The following POLI variants were observed in gnomAD, a reference collection of about 807,000 sequenced individuals.
POLI encodes the protein DNA polymerase iota.
A neutral mutation model predicts 51.6 loss-of-function variants in POLI; 58 were observed. The observed-to-expected ratio is 1.12, with a 90% CI of 0.91 to 1.40. POLI has a LOEUF of 1.40. POLI is among the 40% of genes most tolerant of loss of function. The pLI, the probability that POLI is intolerant of heterozygous loss-of-function variation, is 0.00. For missense variants in POLI, 921 were observed against 871.3 expected (o/e 1.06, Z -0.72); for synonymous variants, 322 against 299.7 (o/e 1.07, Z -0.77).
At chr18:54,305,142 C>T (rs907253612) in intron 3 of POLI, among the ~76,000 whole-genome samples, 1 of 152,152 alleles carries the variant, frequency 6.6e-6, no homozygotes, top group African/African-American at 2.4e-5. Flanking sequence ...TCTGCCAGTA[C>T]CATGCTGTTT....
chr18:54,305,080 G>A (rs531764975), intron 3 of POLI, among the ~76,000 whole-genome samples: 24 of 152,258 alleles, frequency 1.6e-4, no homozygotes, highest in African/African-American at 5.8e-4. Context: ...GTAGATGTGT[G>A]GTGTTATTTC....
chr18:54,297,494 A>G lies in POLI; in HGVS notation c.*3027A>G, dbSNP rs188059027. 4.6e-5 allele frequency: 45 copies of G among 982,200 alleles called. No homozygotes were observed. In the African/African-American group the frequency reaches 7.5e-4, roughly 16 times the overall value. 60.8% of individuals were successfully genotyped at this position (982,200 alleles called of 1,614,324 possible). On this transcript the variant is annotated 3_prime_UTR_variant, in exon 10 of 10. Transcript: ENST00000579534. ...AGTGTTTTGTACTAGGAGAACTCTAAAAAGTATCTATTCCACTGTAGTGCC... is the reference window on the plus strand; with the variant it reads ...AGTGTTTTGTACTAGGAGAACTCTAGAAAGTATCTATTCCACTGTAGTGCC...
intron 7 of POLI, chr18:54,284,819 G>A (rs1371149490): frequency 2.0e-5 from 3 of 152,154 alleles, no homozygotes; most frequent in African/African-American, 7.2e-5. Context: ...AAACTGAAAA[G>A]GAAATTTAAT....
intron 1 of POLI, 169 bp from the exon 2 acceptor site, chr18:54,271,191 A>G: frequency 1.9e-6 from 1 of 527,790 alleles, no homozygotes; most frequent in Non-Finnish European, 3.3e-6. Flanking sequence ...ACCCTACCCT[A>G]AGTGGAGTTT....
chr18:54,316,755 A>C (rs1453190985), intron 3 of POLI, among the ~76,000 whole-genome samples: 1 of 152,042 alleles, frequency 6.6e-6, no homozygotes, highest in African/African-American at 2.4e-5. Flanking sequence ...TGGTAAAAGG[A>C]AAAAAAAGCT....
At chr18:54,272,738 C>T (rs1228337744) in intron 2 of POLI, among the ~76,000 whole-genome samples, 4 of 151,396 alleles carry the variant, frequency 2.6e-5, no homozygotes, top group Non-Finnish European at 5.9e-5. Context: ...TCCCAAAGTG[C>T]GGGGACTACA....
In POLI at chr18:54,291,577, A is replaced by G. The variant is rs73487920; in HGVS notation, c.1199-256A>G. On this transcript the variant is annotated intron_variant, in intron 8 of 9. Coordinates refer to ENST00000579534, the MANE Select transcript of POLI (RefSeq NM_007195.3). ...TCCACCAAAATGATTGTTTTTGACA[A>G]TGTTGTTCAGTTTTATAGTAGCTTT... is the stretch of plus-strand genomic sequence containing the variant. The G allele has an allele frequency of 5.1e-3, 1,258 of 248,262 alleles. 17 individuals are homozygous for G. The highest frequency in any genetic ancestry group is 0.026 in the African/African-American group (1,160 of 44,240). The allele number at this position is 248,262 out of a possible 1,614,324, so 15.4% of individuals were successfully genotyped here.
At chr18:54,303,829 T>C (rs977036376) in intron 3 of POLI, among the ~76,000 whole-genome samples, 1 of 151,908 alleles carries the variant, frequency 6.6e-6, no homozygotes, top group Non-Finnish European at 1.5e-5. Context: ...TTGTTACATG[T>C]GTATACATGT....
intron 3 of POLI, among the ~76,000 whole-genome samples, chr18:54,309,416 G>C (rs1042803959): frequency 2.6e-5 from 4 of 152,200 alleles, no homozygotes; most frequent in African/African-American, 9.6e-5. Flanking sequence ...ACCAGCGGAG[G>C]CTGCAGAAAA....
In POLI at chr18:54,297,737, C is replaced by T; in HGVS notation, c.*3270C>T. 2 of 970,156 alleles carry T rather than the reference C, an allele frequency of 2.1e-6. No homozygotes were observed. Among genetic ancestry groups the T allele is most frequent in the Non-Finnish European group, 2.5e-6 (2 of 816,158 alleles). 60.1% of individuals were successfully genotyped at this position (970,156 alleles called of 1,614,324 possible). ...AACATCTAAAAATGCTACCCTCTTT[C>T]CAAACAACACAAAGGTATTGAAATA... On this transcript the variant is annotated 3_prime_UTR_variant, in exon 10 of 10. Transcript: ENST00000579534.
chr18:54,296,218 G>T lies in POLI; in HGVS notation c.*1751G>T. The stretch of plus-strand genomic sequence containing the variant: ...ATTTCAGGACCTTGGACAGCTAGAA[G>T]GGGCTTAAGAAAAAATGGCTAAGAA... On this transcript the variant is annotated 3_prime_UTR_variant, in exon 10 of 10. Coordinates refer to ENST00000579534, the MANE Select transcript of POLI (RefSeq NM_007195.3). 4 of 985,354 alleles carry T rather than the reference G, an allele frequency of 4.1e-6. No individual in the cohort carries two copies. The highest frequency in any genetic ancestry group is 4.8e-6 in the Non-Finnish European group (4 of 829,884). 61.0% of individuals were successfully genotyped at this position (985,354 alleles called of 1,614,324 possible). A position where few individuals can be genotyped will look rare whatever the true frequency, so the allele number is the denominator to read the frequency against.
At chr18:54,310,363 T>C (rs1306803085) in intron 3 of POLI, among the ~76,000 whole-genome samples, 1 of 152,218 alleles carries the variant, frequency 6.6e-6, no homozygotes, top group East Asian at 1.9e-4. Flanking sequence ...TTATCTCCTA[T>C]CTTCAAACTT....
intron 9 of POLI, among the ~76,000 whole-genome samples, chr18:54,292,689 TG>T: frequency 6.6e-6 from 1 of 152,130 alleles, no homozygotes; most frequent in Non-Finnish European, 1.5e-5. Flanking sequence ...AAAATACTTT[TG>T]TGTTTGTTTA....
chr18:54,308,365 T>C (rs1173604419), intron 3 of POLI, among the ~76,000 whole-genome samples: 1 of 152,330 alleles, frequency 6.6e-6, no homozygotes, highest in Middle Eastern at 3.4e-3. Flanking sequence ...GGATATGAAA[T>C]TGTGGGTTGG....
At chr18:54,275,412 G>T (rs556708330) in intron 3 of POLI, among the ~76,000 whole-genome samples, 16 of 152,232 alleles carry the variant, frequency 1.1e-4, no homozygotes, top group African/African-American at 3.9e-4. Flanking sequence ...TCAAAAGTAT[G>T]GAAGGAAAAA....
intron 3 of POLI, among the ~76,000 whole-genome samples, chr18:54,304,523 A>C (rs1449850054): frequency 6.6e-6 from 1 of 152,178 alleles, no homozygotes; most frequent in Non-Finnish European, 1.5e-5. Context: ...GATGATGAGC[A>C]TTTTTTCATA....
Position 54,282,666 on chromosome 18 carries a change from T to G in POLI, c.797-171T>G, listed in dbSNP as rs552739269. Among the ~76,000 whole-genome samples, 4 of 152,200 alleles carry G rather than the reference T, an allele frequency of 2.6e-5. No individual in the cohort carries two copies. In the East Asian group the frequency reaches 7.7e-4, roughly 29 times the overall value. On this transcript the variant is annotated intron_variant, in intron 5 of 9. Coordinates refer to ENST00000579534, the MANE Select transcript of POLI (RefSeq NM_007195.3). ...TATATATAGGGTTTGATACTGTCCA[T>G]GGTTTCAGGCATCCACTGAAGGTCT...
In POLI at chr18:54,298,043, A is replaced by C; in HGVS notation, c.*3576A>C. ...TTATTATATGTCTAGCTATAGATTT[A>C]TCATGGATTTAGGTTCATTATGAAT... On this transcript the variant is annotated 3_prime_UTR_variant, in exon 10 of 10. Coordinates refer to ENST00000579534, the MANE Select transcript of POLI (RefSeq NM_007195.3). 1.0e-6 allele frequency: 1 copy of C among 970,032 alleles called. No homozygotes were observed. Among genetic ancestry groups the C allele is most frequent in the Non-Finnish European group, 1.2e-6 (1 of 815,914 alleles). 60.1% of individuals were successfully genotyped at this position (970,032 alleles called of 1,614,324 possible). A position where few individuals can be genotyped will look rare whatever the true frequency, so the allele number is the denominator to read the frequency against.
At chr18:54,286,573 A>C (rs1303873491) in intron 7 of POLI, among the ~76,000 whole-genome samples, 1 of 152,144 alleles carries the variant, frequency 6.6e-6, no homozygotes, top group South Asian at 2.1e-4. Context: ...GTTTGAAAAA[A>C]GTTCTTTTGT....
Sources: gnomAD v4.1 joint callset for allele counts (sites outside exome capture counted in the v4.1 genomes callset) on GRCh38, gnomAD v4.1.1 for gene constraint, MANE v1.5 for transcripts, NCBI Gene and HGNC (gene_info 2026-07-23, HGNC 2026-07-21) for gene names.